Variants in DYNC2H1 observed in about 807,000 individuals in gnomAD.
The protein encoded by DYNC2H1 is cytoplasmic dynein 2 heavy chain 1.
Under a neutral mutation model 570.0 loss-of-function variants are expected in DYNC2H1, and 410 were observed. The observed-to-expected ratio is 0.72, with a 90% CI of 0.66 to 0.78. The LOEUF (loss-of-function observed/expected upper bound fraction) is 0.78, where lower values mean the gene tolerates loss of function less well. Among genes scored for constraint, DYNC2H1 ranks in the 30% least tolerant of loss-of-function variants. The pLI is 0.00. For missense variants in DYNC2H1, 4,865 were observed against 5,046.4 expected (o/e 0.96, Z 1.09); for synonymous variants, 1,688 against 1,677.6 (o/e 1.01, Z -0.15).
chr11:103,255,660 C>T, intron 67 of DYNC2H1, 126 bp downstream of exon 67: 1 of 947,232 alleles, frequency 1.1e-6, no homozygotes, highest in Non-Finnish European at 1.5e-6. Flanking sequence ...TAGTGTATAT[C>T]TTACAGTCAA....
intron 65 of DYNC2H1, 55 bp from the exon 66 acceptor site, chr11:103,253,229 TG>T: frequency 2.7e-6 from 4 of 1,504,048 alleles, no homozygotes; most frequent in Non-Finnish European, 3.6e-6. Flanking sequence ...TTTCAAATAT[TG>T]TATAGTGAAA....
At chr11:103,240,157 C>T (rs1469455439) in intron 63 of DYNC2H1, among the ~76,000 whole-genome samples, 1 of 152,070 alleles carries the variant, frequency 6.6e-6, no homozygotes, top group African/African-American at 2.4e-5. Context: ...ATAATTTTTA[C>T]CAGGAGATCT....
At position 103,261,129 on chromosome 11, in the gene DYNC2H1, G is replaced by T. The variant is rs1366792434; in HGVS notation, c.10695+1152G>T. 2.0e-5 allele frequency among the ~76,000 whole-genome samples: 3 copies of T among 152,138 alleles called. No individual in the cohort carries two copies. Among genetic ancestry groups the T allele is most frequent in the Admixed American group, 6.5e-5 (1 of 15,268 alleles). ...GATTTTGTTGAGGATCTTTATTTGA[G>T]ATACAGAATAAATCCTTCAGAAGCT... On this transcript the variant is annotated intron_variant, in intron 70 of 88. Coordinates refer to ENST00000375735, the MANE Select transcript of DYNC2H1 (RefSeq NM_001377.3). This position sits in a 1 kb window ranked among gnomAD's most constrained non-coding sequence, Gnocchi z 4.8.
intron 12 of DYNC2H1, among the ~76,000 whole-genome samples, chr11:103,126,936 C>T (rs1245415496): frequency 1.3e-5 from 2 of 152,154 alleles, no homozygotes; most frequent in Non-Finnish European, 2.9e-5. Flanking sequence ...CCGCAGCCGG[C>T]CTATTTGTTT....
chr11:103,109,826 A>G, intron 1 of DYNC2H1, 57 bp downstream of exon 1: 1 of 1,531,088 alleles, frequency 6.5e-7, no homozygotes, highest in South Asian at 1.2e-5. Context: ...CCCCAGGCCC[A>G]GCCAGAGGGA....
At chr11:103,420,067 C>G (rs1943427630) in intron 84 of DYNC2H1, among the ~76,000 whole-genome samples, 1 of 151,858 alleles carries the variant, frequency 6.6e-6, no homozygotes, top group South Asian at 2.1e-4. Flanking sequence ...TGAAACAAGA[C>G]AGGCAGACAA....
chr11:103,191,743 A>T (rs1360833078), intron 46 of DYNC2H1, 124 bp downstream of exon 46: 7 of 427,746 alleles, frequency 1.6e-5, no homozygotes, highest in African/African-American at 2.1e-5. Context: ...AAATAGAAAT[A>T]TTTTTATTAA....
intron 63 of DYNC2H1, among the ~76,000 whole-genome samples, chr11:103,242,389 G>C (rs1469474203): frequency 6.6e-6 from 1 of 152,008 alleles, no homozygotes. Context: ...TTATTATACT[G>C]TACTCACCTA....
intron 83 of DYNC2H1, among the ~76,000 whole-genome samples, chr11:103,385,886 A>C (rs1941851632): frequency 6.6e-6 from 1 of 152,164 alleles, no homozygotes; most frequent in African/African-American, 2.4e-5. Flanking sequence ...AGATCTGTCT[A>C]CTTGAATAGG....
rs1442638129 is a variant in DYNC2H1, at chr11:103,170,392, A to G, written c.5151+102A>G. ...CTCTACTTAAAAATCACTACATTTAAATTAGTTGAAGACAGAATTTGTTTA... is the reference window on the plus strand; with the variant it reads ...CTCTACTTAAAAATCACTACATTTAGATTAGTTGAAGACAGAATTTGTTTA... On this transcript the variant is annotated intron_variant, in intron 33 of 88. Coordinates refer to ENST00000375735, the MANE Select transcript of DYNC2H1 (RefSeq NM_001377.3). This position sits in a 1 kb window ranked among gnomAD's most constrained non-coding sequence, Gnocchi z 4.8. 8.6e-7 allele frequency: 1 copy of G among 1,164,732 alleles called. No individual in the cohort carries two copies. Among genetic ancestry groups the G allele is most frequent in the Non-Finnish European group, 1.2e-6 (1 of 867,280 alleles). 72.1% of individuals were successfully genotyped at this position (1,164,732 alleles called of 1,614,324 possible).
At position 103,129,134 on chromosome 11, in the gene DYNC2H1, T is replaced by G. The variant is rs1859140805; in HGVS notation, c.1953+129T>G. 1.8e-5 allele frequency: 12 copies of G among 684,182 alleles called. No individual in the cohort carries two copies. The East Asian group carries it at 3.7e-4, about 21-fold the overall frequency. The allele number at this position is 684,182 out of a possible 1,614,324, so 42.4% of individuals were successfully genotyped here. ...TTTTGTTTTGCTTCCAGGGACTTCC[T>G]TCAATCTTAGCAAGTAAAATTATTT... On this transcript the variant is annotated intron_variant, in intron 13 of 88. Transcript: ENST00000375735. This position sits in a 1 kb window ranked among gnomAD's most constrained non-coding sequence, Gnocchi z 4.1.
rs191512656 is a variant in DYNC2H1, at chr11:103,433,672, G to A, written c.12367-2271G>A. Among the ~76,000 whole-genome samples, 687 of 152,120 alleles carry A rather than the reference G, an allele frequency of 4.5e-3. 3 individuals carry two copies. Among genetic ancestry groups the A allele is most frequent in the Non-Finnish European group, 8.0e-3 (547 of 67,988 alleles). Reference sequence around the variant, plus strand: ...ATTTCCTCACATGCAAAATACAACCGTCTCCTCCCAGACTCCTCCACATGT... The same window carrying A: ...ATTTCCTCACATGCAAAATACAACCATCTCCTCCCAGACTCCTCCACATGT... On this transcript the variant is annotated intron_variant, in intron 84 of 88. Transcript: ENST00000375735.
chr11:103,361,530 G>A (rs1940640731), intron 83 of DYNC2H1, among the ~76,000 whole-genome samples: 1 of 152,200 alleles, frequency 6.6e-6, no homozygotes, highest in African/African-American at 2.4e-5. Context: ...GGGAAACCAT[G>A]GAAGTTATAG....
intron 84 of DYNC2H1, among the ~76,000 whole-genome samples, chr11:103,412,405 T>G (rs1176171765): frequency 6.6e-6 from 1 of 152,196 alleles, no homozygotes; most frequent in Non-Finnish European, 1.5e-5. Flanking sequence ...AGTTATCTTC[T>G]ACATGTTAGA....
In DYNC2H1 at chr11:103,203,085, T is replaced by A. The variant is rs572185726; in HGVS notation, c.8198-578T>A. Among the ~76,000 whole-genome samples, 53 of 152,318 alleles carry A rather than the reference T, an allele frequency of 3.5e-4. No individual in the cohort carries two copies. Among genetic ancestry groups the A allele is most frequent in the Non-Finnish European group, 6.2e-4 (42 of 68,018 alleles). On this transcript the variant is annotated intron_variant, in intron 50 of 88. Coordinates refer to ENST00000375735, the MANE Select transcript of DYNC2H1 (RefSeq NM_001377.3). This position sits in a 1 kb window ranked among gnomAD's most constrained non-coding sequence, Gnocchi z 4.7. ...GGTAAGAATATTCTAGGGTTAAATG[T>A]TGAACATTGTCAAATATTTGTCCTC...
intron 82 of DYNC2H1, among the ~76,000 whole-genome samples, chr11:103,336,215 C>T (rs925712046): frequency 6.6e-6 from 1 of 152,178 alleles, no homozygotes; most frequent in Non-Finnish European, 1.5e-5. Context: ...TTGTTAAAAG[C>T]ATACACTGTG....
rs189243189 is a variant in DYNC2H1, at chr11:103,415,482, G to A, written c.12366+15610G>A. Among the ~76,000 whole-genome samples the A allele has an allele frequency of 3.1e-3, 476 of 152,190 alleles. 2 individuals are homozygous for A. Among genetic ancestry groups the A allele is most frequent in the Non-Finnish European group, 5.3e-3 (360 of 68,008 alleles). ...CTCGTTAAAAACCCCATCAAAAAGT[G>A]GGCAAAGGATATGAACAGACACTTC... On this transcript the variant is annotated intron_variant, in intron 84 of 88. Transcript: ENST00000375735.
At position 103,282,174 on chromosome 11, in the gene DYNC2H1, A is replaced by G; in HGVS notation, c.10762-5A>G. ...TTTTTGTGTTCCTATATTTTTATTC[A>G]ATAGGAATGGGATACGTTTACAGGT... On this transcript the variant is annotated splice_polypyrimidine_tract_variant and splice_region_variant and intron_variant, in intron 71 of 88. Coordinates refer to ENST00000375735, the MANE Select transcript of DYNC2H1 (RefSeq NM_001377.3). 6.2e-7 allele frequency: 1 copy of G among 1,605,708 alleles called. No homozygotes were observed. The highest frequency in any genetic ancestry group is 8.5e-7 in the Non-Finnish European group (1 of 1,176,316).
At position 103,243,853 on chromosome 11, in the gene DYNC2H1, G is replaced by A; in HGVS notation, c.9918+62G>A. The stretch of plus-strand genomic sequence containing the variant: ...TGACCTCTTATAGTGAAAAGATCTT[G>A]GAGTCTATAATCAGAAAACATAGAT... On this transcript the variant is annotated intron_variant, in intron 64 of 88. Transcript: ENST00000375735. The surrounding 1 kb of genome is among the most constrained non-coding windows in gnomAD (Gnocchi z 4.8). 2 of 1,308,886 alleles carry A rather than the reference G, an allele frequency of 1.5e-6. No individual in the cohort carries two copies. The highest frequency in any genetic ancestry group is 2.6e-5 in the East Asian group (1 of 39,034). 81.1% of individuals were successfully genotyped at this position (1,308,886 alleles called of 1,614,324 possible). A position where few individuals can be genotyped will look rare whatever the true frequency, so the allele number is the denominator to read the frequency against.
Sources: allele counts gnomAD v4.1 joint callset (sites outside exome capture counted in the v4.1 genomes callset), GRCh38; gene constraint gnomAD v4.1.1; non-coding constraint Gnocchi (gnomAD v3.1); transcripts MANE v1.5; gene names NCBI Gene and HGNC (gene_info 2026-07-23, HGNC 2026-07-21).